Variants in ASTN2 observed in about 807,000 individuals in gnomAD.
The protein encoded by ASTN2 is astrotactin-2.
ASTN2 carries 54 observed loss-of-function variants against 139.8 expected under a neutral mutation model. The observed-to-expected ratio is 0.39, with a 90% CI of 0.31 to 0.48. ASTN2 has a LOEUF of 0.48. Ranked by LOEUF, ASTN2 falls within the 20% of genes least tolerant of loss-of-function variation. ASTN2 has a pLI of 0.95. For missense variants in ASTN2, 1,565 were observed against 1,725.1 expected, an observed-to-expected ratio of 0.91 and a Z score of 1.64; for synonymous variants, 756 against 719.5, an observed-to-expected ratio of 1.05 and a Z score of -0.81.
chr9:117,055,236 AC>A, intron 5 of ASTN2, among the ~76,000 whole-genome samples: 1 of 152,338 alleles, frequency 6.6e-6, no homozygotes, highest in South Asian at 2.1e-4. Context: ...GTAAGTAAGT[AC>A]CTAAAAGTGC....
At chr9:116,623,391 C>T (rs1465500592) in intron 17 of ASTN2, among the ~76,000 whole-genome samples, 1 of 152,098 alleles carries the variant, frequency 6.6e-6, no homozygotes, top group Admixed American at 6.5e-5. Flanking sequence ...GCCAGGCAAA[C>T]ACTGGTTAGA....
intron 4 of ASTN2, among the ~76,000 whole-genome samples, chr9:117,113,648 C>T (rs1032086468): frequency 1.3e-5 from 2 of 148,694 alleles, no homozygotes; most frequent in African/African-American, 5.1e-5. Flanking sequence ...AAGAGCAAAA[C>T]TTCGTCTCAA....
intron 3 of ASTN2, among the ~76,000 whole-genome samples, chr9:117,177,538 T>G: frequency 6.6e-6 from 1 of 152,112 alleles, no homozygotes; most frequent in East Asian, 1.9e-4. Flanking sequence ...CCTCAGAAAC[T>G]AAAGGTACCC....
Position 116,425,673 on chromosome 9 carries a change from A to G in ASTN2, c.*178T>C. 1 of 1,609,416 alleles carries G rather than the reference A, an allele frequency of 6.2e-7. No homozygotes were observed. On this transcript the variant is annotated 3_prime_UTR_variant, in exon 23 of 23. Coordinates refer to ENST00000313400, the MANE Select transcript of ASTN2 (RefSeq NM_001365068.1). ...AGAAAAATGAATAATTCCATTGGTT[A>G]CAAAGGTCTCTGTCCACTATCCACA...
intron 19 of ASTN2, chr9:116,583,471 C>CTTT (rs1398407009): frequency 3.3e-5 from 5 of 152,032 alleles, no homozygotes; most frequent in Admixed American, 3.3e-4. Flanking sequence ...ATACCCAGCA[C>CTTT]TTTGCCCAGT....
intron 11 of ASTN2, among the ~76,000 whole-genome samples, chr9:116,852,151 GCTA>G (rs1832624119): frequency 6.6e-6 from 1 of 152,082 alleles, no homozygotes; most frequent in African/African-American, 2.4e-5. Flanking sequence ...GCCAGAAAAG[GCTA>G]CTAAGTTTCC....
At chr9:117,088,574 G>A (rs900707189) in intron 5 of ASTN2, among the ~76,000 whole-genome samples, 2 of 152,166 alleles carry the variant, frequency 1.3e-5, no homozygotes, top group African/African-American at 2.4e-5. Context: ...ACCTTAGTAC[G>A]AAGTTTTGCT....
chr9:117,279,580 A>G (rs1023547398), intron 2 of ASTN2, among the ~76,000 whole-genome samples: 1 of 152,232 alleles, frequency 6.6e-6, no homozygotes, highest in East Asian at 1.9e-4. Flanking sequence ...CAATCCAGGC[A>G]GTTCTGTCCC....
At chr9:117,402,953 A>T (rs965563156) in intron 1 of ASTN2, among the ~76,000 whole-genome samples, 1 of 152,302 alleles carries the variant, frequency 6.6e-6, no homozygotes, top group Middle Eastern at 3.4e-3. Context: ...ATCTAAACAG[A>T]GAGAAGAGAA....
rs564611811 is a variant in ASTN2, at chr9:116,757,015, G to A, written c.2397-23492C>T. Among the ~76,000 whole-genome samples the A allele has an allele frequency of 7.9e-5, 12 of 152,222 alleles. No individual in the cohort carries two copies. In the East Asian group the frequency reaches 1.7e-3, roughly 22 times the overall value. ...CTCCACCCTGAAATAGAGTGCTTCC[G>A]CCTACAGCTCCTGCTGAAATGGGAA... is the stretch of plus-strand genomic sequence containing the variant. On this transcript the variant is annotated intron_variant, in intron 13 of 22. Coordinates refer to ENST00000313400, the MANE Select transcript of ASTN2 (RefSeq NM_001365068.1).
chr9:117,275,562 C>CT (rs1329615020), intron 2 of ASTN2, among the ~76,000 whole-genome samples: 3 of 93,588 alleles, frequency 3.2e-5, no homozygotes, highest in African/African-American at 1.1e-4. Flanking sequence ...TTATCTCTCC[C>CT]TCTTTTTTTT....
chr9:116,977,136 T>C (rs986604221), intron 7 of ASTN2, among the ~76,000 whole-genome samples: 1 of 152,146 alleles, frequency 6.6e-6, no homozygotes, highest in African/African-American at 2.4e-5. Context: ...TTTTCAAATA[T>C]TAAAATTATG....
chr9:116,472,792 G>A lies in ASTN2; in HGVS notation c.3497+14567C>T, dbSNP rs184359477. 7.2e-5 allele frequency among the ~76,000 whole-genome samples: 11 copies of A among 151,854 alleles called. 1 individual carries two copies. The East Asian group carries it at 2.1e-3, about 29-fold the overall frequency. Reference sequence around the variant, plus strand: ...CCATGTTGGTGGTGGCGGCGGCGGAGGGGGCACACCTGTAATTCCAGCTAC... The same window carrying A: ...CCATGTTGGTGGTGGCGGCGGCGGAAGGGGCACACCTGTAATTCCAGCTAC... On this transcript the variant is annotated intron_variant, in intron 20 of 22. Coordinates refer to ENST00000313400, the MANE Select transcript of ASTN2 (RefSeq NM_001365068.1).
intron 1 of ASTN2, among the ~76,000 whole-genome samples, chr9:117,368,724 C>T (rs2130909176): frequency 6.6e-6 from 1 of 152,250 alleles, no homozygotes; most frequent in African/African-American, 2.4e-5. Context: ...TTTAGAAGAA[C>T]TGATCTGAAA....
intron 19 of ASTN2, among the ~76,000 whole-genome samples, chr9:116,507,171 G>C (rs1850149063): frequency 6.6e-6 from 1 of 152,170 alleles, no homozygotes; most frequent in Admixed American, 6.5e-5. Context: ...ACATCAGTGA[G>C]CGTCTCCAAA....
chr9:117,185,097 A>G (rs1831164321), intron 3 of ASTN2, among the ~76,000 whole-genome samples: 2 of 152,148 alleles, frequency 1.3e-5, no homozygotes, highest in African/African-American at 4.8e-5. Flanking sequence ...GCTACTATCC[A>G]TCATCCCAGA....
At chr9:116,751,806 A>C (rs1233988258) in intron 13 of ASTN2, among the ~76,000 whole-genome samples, 1 of 152,198 alleles carries the variant, frequency 6.6e-6, no homozygotes, top group Non-Finnish European at 1.5e-5. Flanking sequence ...CTAACAAAAT[A>C]CATAGAAGAT....
chr9:117,263,733 C>G (rs550173123), intron 2 of ASTN2, among the ~76,000 whole-genome samples: 1 of 152,060 alleles, frequency 6.6e-6, no homozygotes, highest in Non-Finnish European at 1.5e-5. Context: ...TTTTCACTAC[C>G]CTGTGGTTAA....
intron 1 of ASTN2, among the ~76,000 whole-genome samples, chr9:117,407,675 T>C (rs541917053): frequency 6.6e-6 from 1 of 152,308 alleles, no homozygotes; most frequent in African/African-American, 2.4e-5. Flanking sequence ...GGGGGGCTAT[T>C]GTCCAAAAGA....
Sources: allele counts gnomAD v4.1 joint callset (sites outside exome capture counted in the v4.1 genomes callset), GRCh38; gene constraint gnomAD v4.1.1; transcripts MANE v1.5; gene names NCBI Gene and HGNC (gene_info 2026-07-23, HGNC 2026-07-21).